Variants in TMEM62 observed in about 807,000 individuals in gnomAD.
TMEM62 encodes the protein transmembrane protein 62.
Under a neutral mutation model 70.4 loss-of-function variants are expected in TMEM62, and 41 were observed. The observed-to-expected ratio is 0.58, with a 90% CI of 0.45 to 0.76. The LOEUF is 0.76. TMEM62 is among the 30% of genes least tolerant of loss of function. TMEM62 has a pLI of 0.00. For synonymous variants in TMEM62, 268 were observed against 291.0 expected, an observed-to-expected ratio of 0.92 and a Z score of 0.80; for missense variants, 688 against 788.5, an observed-to-expected ratio of 0.87 and a Z score of 1.53.
chr15:43,137,389 A>T (rs2035375030), intron 3 of TMEM62, among the ~76,000 whole-genome samples: 1 of 152,246 alleles, frequency 6.6e-6, no homozygotes. Flanking sequence ...GTTTTTCTCT[A>T]GTATACTAAG....
Position 43,134,333 on chromosome 15 carries a change from T to C in TMEM62, c.257T>C (p.Ile86Thr), listed in dbSNP as rs2034879501. The change falls in exon 2 of 14, where the codon ATT (isoleucine) becomes ACT (threonine). Residue 86 changes from isoleucine (I) to threonine (T), a missense_variant. Coordinates refer to ENST00000260403, the MANE Select transcript of TMEM62 (RefSeq NM_024956.4). Reference sequence around the variant, plus strand: ...TTAGAGAAATTCTGTTCTGAAACTATTGACATCATTCAACCAGCTCTCGTC... The same window carrying C: ...TTAGAGAAATTCTGTTCTGAAACTACTGACATCATTCAACCAGCTCTCGTC... The part of the protein sequence containing the change: ...VDLEKFCSET[I>T]DIIQPALVLA... The C allele has an allele frequency of 1.2e-6, 2 of 1,613,998 alleles. No individual in the cohort carries two copies. Among genetic ancestry groups the C allele is most frequent in the African/African-American group, 1.3e-5 (1 of 74,912 alleles).
rs1233961104 is a variant in TMEM62 at position 43,178,695 on chromosome 15, C to G, written c.1470C>G (p.Thr490=). The G allele has an allele frequency of 6.2e-7, 1 of 1,608,934 alleles. No individual in the cohort carries two copies. The highest frequency in any genetic ancestry group is 1.3e-5 in the African/African-American group (1 of 74,808). Residue 490 remains threonine (T), a synonymous_variant, in exon 12 of 14, where the codon ACC becomes ACG. Transcript: ENST00000260403. ...NIFYYSVLLL[T]LYTVLGPWFF... is the part of the protein sequence containing the mutation. The stretch of plus-strand genomic sequence containing the variant: ...TCTACTATTCTGTGTTGTTGTTGAC[C>G]CTGTATACAGTGCTGGGTAAGTAAA...
At chr15:43,168,161 G>GGGAGAGGAAGAC (rs2039770788) in intron 10 of TMEM62, among the ~76,000 whole-genome samples, 1 of 93,644 alleles carries the variant, frequency 1.1e-5, no homozygotes, top group Non-Finnish European at 2.3e-5. Flanking sequence ...GAGAGGGAGA[G>GGGAGAGGAAGAC]GGAGAGGGAG....
chr15:43,155,593 A>G (rs2037951031), intron 9 of TMEM62, among the ~76,000 whole-genome samples: 1 of 152,212 alleles, frequency 6.6e-6, no homozygotes, highest in Non-Finnish European at 1.5e-5. Flanking sequence ...TAGATTAAAA[A>G]CTAGGCAGAG....
intron 10 of TMEM62, among the ~76,000 whole-genome samples, chr15:43,165,641 G>C (rs933832261): frequency 6.6e-6 from 1 of 151,912 alleles, no homozygotes; most frequent in African/African-American, 2.4e-5. Context: ...GCTGAGGCAG[G>C]AGAATGGCAT....
intron 4 of TMEM62, among the ~76,000 whole-genome samples, chr15:43,139,009 T>C (rs1038497403): frequency 6.6e-6 from 1 of 152,260 alleles, no homozygotes; most frequent in Non-Finnish European, 1.5e-5. Context: ...CTTCGCCTTA[T>C]TGCACTTTGC....
chr15:43,172,819 A>G (rs1222161470), intron 11 of TMEM62, among the ~76,000 whole-genome samples: 1 of 152,248 alleles, frequency 6.6e-6, no homozygotes, highest in African/African-American at 2.4e-5. Context: ...ATAAAAACAT[A>G]TAGACTATCA....
intron 11 of TMEM62, among the ~76,000 whole-genome samples, chr15:43,171,475 G>A (rs993527152): frequency 8.6e-5 from 13 of 151,430 alleles, no homozygotes; most frequent in African/African-American, 2.9e-4. Flanking sequence ...TCTTTGTCCT[G>A]TATTTTCCCC....
chr15:43,149,827 T>C (rs1476772986), intron 7 of TMEM62, among the ~76,000 whole-genome samples: 1 of 152,224 alleles, frequency 6.6e-6, no homozygotes, highest in Non-Finnish European at 1.5e-5. Context: ...GTATCTACCA[T>C]ACTGGTTATT....
intron 11 of TMEM62, among the ~76,000 whole-genome samples, chr15:43,173,596 A>AT (rs1476291456): frequency 6.6e-6 from 1 of 152,092 alleles, no homozygotes; most frequent in Non-Finnish European, 1.5e-5. Context: ...TATTTTTCTC[A>AT]TAGTATTATC....
rs761587095 is a variant in TMEM62 at position 43,184,256 on chromosome 15, C to T, written c.1606-4C>T. ...GAGTAAGCTATGGTTCTGTTCTTTT[C>T]CAGCTGGCGTTTTTTAACATCCCCT... On this transcript the variant is annotated splice_region_variant and splice_polypyrimidine_tract_variant and intron_variant, in intron 13 of 13. Coordinates refer to ENST00000260403, the MANE Select transcript of TMEM62 (RefSeq NM_024956.4). 1 of 1,608,824 alleles carries T rather than the reference C, an allele frequency of 6.2e-7. No individual in the cohort carries two copies. The highest frequency in any genetic ancestry group is 1.1e-5 in the South Asian group (1 of 90,306).
chr15:43,157,547 T>A (rs1261840319), intron 9 of TMEM62, among the ~76,000 whole-genome samples: 1 of 152,136 alleles, frequency 6.6e-6, no homozygotes, highest in Non-Finnish European at 1.5e-5. Context: ...AAGTTTTTTT[T>A]ATAATGGGAA....
chr15:43,169,708 C>A, intron 11 of TMEM62, 31 bp downstream of exon 11: 1 of 1,573,294 alleles, frequency 6.4e-7, no homozygotes, highest in Non-Finnish European at 8.7e-7. Flanking sequence ...TTCCTATAAG[C>A]CTTGTTCATG....
chr15:43,161,471 A>G (rs1268107118), intron 10 of TMEM62, among the ~76,000 whole-genome samples: 1 of 151,466 alleles, frequency 6.6e-6, no homozygotes, highest in Non-Finnish European at 1.5e-5. Flanking sequence ...CATCAATAAT[A>G]TATGCTCAGT....
intron 5 of TMEM62, among the ~76,000 whole-genome samples, chr15:43,146,915 C>T (rs1449992765): frequency 1.3e-5 from 2 of 152,208 alleles, no homozygotes; most frequent in Non-Finnish European, 2.9e-5. Context: ...AGTTACAGGA[C>T]ATACAGCTTT....
Position 43,151,812 on chromosome 15 carries a change from C to T in TMEM62, c.889C>T (p.His297Tyr), listed in dbSNP as rs1317498360. The T allele has an allele frequency of 6.2e-7, 1 of 1,613,248 alleles. No homozygotes were observed. The highest frequency in any genetic ancestry group is 8.5e-7 in the Non-Finnish European group (1 of 1,179,768). The change falls in exon 8 of 14, where the codon CAC becomes TAC. Residue 297 changes from histidine (H) to tyrosine (Y), a missense_variant. By Grantham distance (83) the His-to-Tyr change is moderately conservative (BLOSUM62 2). Coordinates refer to ENST00000260403, the MANE Select transcript of TMEM62 (RefSeq NM_024956.4). ...NRRYRIFAFD[H>Y]DLFSFADLIF... ...TAGGTACCGGATTTTTGCTTTTGAT[C>T]ACGACCTCTTTAGCTTTGCAGATTT...
chr15:43,154,896 G>A, intron 9 of TMEM62, 65 bp downstream of exon 9: 2 of 1,402,220 alleles, frequency 1.4e-6, no homozygotes, highest in South Asian at 1.5e-5. Flanking sequence ...ATTCTGGTTT[G>A]GAATTTTTTA....
At chr15:43,143,616 A>C (rs1037378652) in intron 4 of TMEM62, among the ~76,000 whole-genome samples, 2 of 152,210 alleles carry the variant, frequency 1.3e-5, no homozygotes, top group African/African-American at 4.8e-5. Flanking sequence ...GGTTTTCAGA[A>C]TCCTGAGATA....
chr15:43,152,002 AT>A lies in TMEM62; in HGVS notation c.1022+59del, dbSNP rs1315315656. 1.8e-5 allele frequency: 25 copies of A among 1,368,888 alleles called. No homozygotes were observed. The Admixed American group carries it at 5.1e-4, about 28-fold the overall frequency. The allele number at this position is 1,368,888 out of a possible 1,614,324, so 84.8% of individuals were successfully genotyped here. On this transcript the variant is annotated intron_variant, in intron 8 of 13. Transcript: ENST00000260403. The stretch of plus-strand genomic sequence containing the variant: ...GTTTGATAATGAAGGAGAATAAGTC[AT>A]TGTGATTGCATTCCCATGTGAAAGC...
Sources: gnomAD v4.1 joint callset for allele counts (sites outside exome capture counted in the v4.1 genomes callset) on GRCh38, gnomAD v4.1.1 for gene constraint, MANE v1.5 for transcripts, NCBI Gene and HGNC (gene_info 2026-07-23, HGNC 2026-07-21) for gene names.